NRG1: variants seen among roughly 807,000 people sequenced by gnomAD.
NRG1 encodes the protein neuregulin 1, also known as pro-neuregulin-1, membrane-bound isoform.
Under a neutral mutation model 63.8 loss-of-function variants are expected in NRG1, and 18 were observed. The observed-to-expected ratio is 0.28, with a 90% CI of 0.19 to 0.42. The LOEUF is 0.42. Ranked by LOEUF, NRG1 falls within the 10% of genes least tolerant of loss-of-function variation. The probability of loss-of-function intolerance (pLI) is 1.00; values close to 1 mark genes in which losing one functional copy is unlikely to be tolerated. For synonymous variants in NRG1, 302 were observed against 301.3 expected (o/e 1.00, Z -0.02); for missense variants, 762 against 814.7 (o/e 0.94, Z 0.79).
At chr8:32,078,096 A>T (rs1471387) in intron 1 of NRG1, among the ~76,000 whole-genome samples, 1 of 152,002 alleles carries the variant, frequency 6.6e-6, no homozygotes, top group African/African-American at 2.4e-5. Flanking sequence ...CCTCCTAAGC[A>T]AGTGATCGAG....
At chr8:31,791,657 TGAGC>T (rs1198950380) in intron 1 of NRG1, among the ~76,000 whole-genome samples, 5 of 152,188 alleles carry the variant, frequency 3.3e-5, no homozygotes, top group Non-Finnish European at 7.3e-5. Context: ...GAGGTTTTCT[TGAGC>T]TGTTTTTCAT....
intron 1 of NRG1, among the ~76,000 whole-genome samples, chr8:32,466,935 A>G (rs1823141298): frequency 6.6e-6 from 1 of 152,154 alleles, no homozygotes; most frequent in South Asian, 2.1e-4. Flanking sequence ...TAATAATATT[A>G]TCATTCACAT....
intron 1 of NRG1, among the ~76,000 whole-genome samples, chr8:32,478,952 C>T (rs1208868243): frequency 6.6e-6 from 1 of 152,164 alleles, no homozygotes; most frequent in Non-Finnish European, 1.5e-5. Flanking sequence ...ATTTCACCTT[C>T]CTGAAAACTG....
chr8:32,512,066 G>A (rs1347577792), intron 1 of NRG1, among the ~76,000 whole-genome samples: 1 of 151,968 alleles, frequency 6.6e-6, no homozygotes, highest in African/African-American at 2.4e-5. Context: ...ATTGGCCTGA[G>A]CTGGCCTTCT....
At chr8:32,749,670 A>C in intron 7 of NRG1, 1 of 1,283,016 alleles carries the variant, frequency 7.8e-7, no homozygotes, top group Non-Finnish European at 1.1e-6. Flanking sequence ...CTTACCTTTC[A>C]GTTCCTAACT....
intron 6 of NRG1, among the ~76,000 whole-genome samples, chr8:32,730,819 C>G (rs1405969084): frequency 6.6e-6 from 1 of 151,980 alleles, no homozygotes; most frequent in East Asian, 1.9e-4. Flanking sequence ...TATGGGGAAA[C>G]CTTGTTATTT....
intron 1 of NRG1, among the ~76,000 whole-genome samples, 193 bp from the exon 2 acceptor site, chr8:32,595,635 A>G (rs1029285664): frequency 7.9e-5 from 12 of 152,154 alleles, no homozygotes; most frequent in African/African-American, 2.9e-4. Context: ...GCTTCTGAGT[A>G]TATTTTATTT....
intron 1 of NRG1, among the ~76,000 whole-genome samples, chr8:31,748,193 T>C (rs1196404104): frequency 6.6e-6 from 1 of 152,028 alleles, no homozygotes; most frequent in African/African-American, 2.4e-5. Context: ...AGCTTATAGA[T>C]GAAATGTTTT....
At chr8:31,876,101 A>G (rs1829898469) in intron 1 of NRG1, among the ~76,000 whole-genome samples, 2 of 152,228 alleles carry the variant, frequency 1.3e-5, no homozygotes, top group Non-Finnish European at 2.9e-5. Context: ...AGAAGCATCT[A>G]GAGCTAGGAC....
At chr8:31,974,500 A>G (rs1279679399) in intron 1 of NRG1, among the ~76,000 whole-genome samples, 1 of 152,168 alleles carries the variant, frequency 6.6e-6, no homozygotes, top group Non-Finnish European at 1.5e-5. Flanking sequence ...TACAACTGCC[A>G]GATTTTTGTG....
At chr8:32,537,695 T>C (rs1832156309) in intron 1 of NRG1, among the ~76,000 whole-genome samples, 1 of 152,148 alleles carries the variant, frequency 6.6e-6, no homozygotes, top group Admixed American at 6.6e-5. Context: ...GCTCATTTAA[T>C]CTTCACAATG....
At chr8:31,752,005 G>C (rs1324096662) in intron 1 of NRG1, among the ~76,000 whole-genome samples, 2 of 151,958 alleles carry the variant, frequency 1.3e-5, no homozygotes, top group Non-Finnish European at 2.9e-5. Context: ...TCATGTAAAA[G>C]AAATGTGAAA....
At chr8:32,085,362 C>G (rs920000498) in intron 1 of NRG1, among the ~76,000 whole-genome samples, 1 of 152,236 alleles carries the variant, frequency 6.6e-6, no homozygotes, top group African/African-American at 2.4e-5. Flanking sequence ...ATTCTACTCT[C>G]TGCTTCTATG....
chr8:31,944,881 G>A (rs1371587052), intron 1 of NRG1, among the ~76,000 whole-genome samples: 1 of 152,160 alleles, frequency 6.6e-6, no homozygotes, highest in Middle Eastern at 3.2e-3. Context: ...GCATCACAGA[G>A]TGATTTGGAG....
At chr8:31,761,100 C>T (rs181567497) in intron 1 of NRG1, among the ~76,000 whole-genome samples, 19 of 152,288 alleles carry the variant, frequency 1.2e-4, no homozygotes, top group Non-Finnish European at 2.6e-4. Flanking sequence ...GGCAGATATA[C>T]ACCATGGAAT....
chr8:32,557,198 G>C (rs905912918), intron 1 of NRG1, among the ~76,000 whole-genome samples: 9 of 151,996 alleles, frequency 5.9e-5, no homozygotes, highest in Non-Finnish European at 1.3e-4. Flanking sequence ...TAGTAGAGAC[G>C]GTGTTTCACT....
intron 1 of NRG1, among the ~76,000 whole-genome samples, chr8:31,952,541 G>A (rs913065549): frequency 2.6e-5 from 4 of 152,218 alleles, no homozygotes; most frequent in Non-Finnish European, 5.9e-5. Context: ...GATATTTGAA[G>A]TGTTTAAATA....
intron 5 of NRG1, among the ~76,000 whole-genome samples, chr8:32,629,523 A>G (rs1318392540): frequency 6.6e-6 from 1 of 152,240 alleles, no homozygotes; most frequent in Non-Finnish European, 1.5e-5. Flanking sequence ...TTTACAATGA[A>G]AAGAAAACCA....
intron 1 of NRG1, among the ~76,000 whole-genome samples, chr8:32,539,764 G>T (rs2129520576): frequency 6.6e-6 from 1 of 152,172 alleles, no homozygotes; most frequent in East Asian, 1.9e-4. Context: ...ATTGGACCAT[G>T]GGCCAGCATT....
Sources: allele counts gnomAD v4.1 joint callset (sites outside exome capture counted in the v4.1 genomes callset), GRCh38; gene constraint gnomAD v4.1.1; transcripts MANE v1.5; gene names NCBI Gene and HGNC (gene_info 2026-07-23, HGNC 2026-07-21).